The following FBXL17 variants were observed in gnomAD, a reference collection of about 807,000 sequenced individuals.
FBXL17 encodes the protein F-box/LRR-repeat protein 17.
A neutral mutation model predicts 66.2 loss-of-function variants in FBXL17; 22 were observed. That is an observed-to-expected ratio of 0.33 (90% CI 0.24 to 0.47). FBXL17 has a LOEUF of 0.47. Among genes scored for constraint, FBXL17 ranks in the 20% least tolerant of loss-of-function variants. The probability of loss-of-function intolerance (pLI) is 1.00; values close to 1 mark genes in which losing one functional copy is unlikely to be tolerated. For synonymous variants in FBXL17, 474 were observed against 400.5 expected, an observed-to-expected ratio of 1.18 and a Z score of -2.19; for missense variants, 878 against 948.2, an observed-to-expected ratio of 0.93 and a Z score of 0.97.
chr5:108,134,236 A>G (rs1225323377), intron 6 of FBXL17, among the ~76,000 whole-genome samples: 1 of 152,174 alleles, frequency 6.6e-6, no homozygotes, highest in Non-Finnish European at 1.5e-5. Flanking sequence ...CTTGTATTTC[A>G]TCTCAAAATT....
Position 108,381,353 on chromosome 5 carries a change from G to C in FBXL17, c.339C>G (p.Ala113=). Residue 113 remains alanine (A), a synonymous_variant, in exon 1 of 9, where the codon GCC becomes GCG. Transcript: ENST00000542267. Reference sequence around the variant, plus strand: ...ATAGCAGGAAGCGGCGGGCAGCAGCGGCGCAGTCCTCGGCGGCCAGGGCCG... The same window carrying C: ...ATAGCAGGAAGCGGCGGGCAGCAGCCGCGCAGTCCTCGGCGGCCAGGGCCG... ...RYAALAAEDC[A]AAARRFLLSS... 7.4e-7 allele frequency: 1 copy of C among 1,358,486 alleles called. No homozygotes were observed. Among genetic ancestry groups the C allele is most frequent in the Non-Finnish European group, 9.4e-7 (1 of 1,063,480 alleles). 84.2% of individuals were successfully genotyped at this position (1,358,486 alleles called of 1,614,324 possible). A position where few individuals can be genotyped will look rare whatever the true frequency, so the allele number is the denominator to read the frequency against.
intron 3 of FBXL17, among the ~76,000 whole-genome samples, chr5:108,358,006 C>T (rs372973371): frequency 6.6e-6 from 1 of 152,020 alleles, no homozygotes; most frequent in South Asian, 2.1e-4. Context: ...AGAAATACAA[C>T]TGATTTTTCT....
intron 8 of FBXL17, among the ~76,000 whole-genome samples, chr5:107,869,364 C>A (rs774270377): frequency 1.3e-5 from 2 of 152,142 alleles, no homozygotes; most frequent in African/African-American, 4.8e-5. Flanking sequence ...CATATTCAAA[C>A]GGACCTTAAT....
intron 6 of FBXL17, among the ~76,000 whole-genome samples, chr5:108,099,789 A>G (rs2149939347): frequency 6.6e-6 from 1 of 152,376 alleles, no homozygotes; most frequent in East Asian, 1.9e-4. Context: ...TTAATATGCC[A>G]GAATGGCATG....
chr5:107,880,709 C>A, intron 8 of FBXL17: 10 of 1,274,114 alleles, frequency 7.8e-6, no homozygotes, highest in Non-Finnish European at 3.0e-6. Context: ...TTAGACCCTG[C>A]AAATTGCAGT....
At chr5:108,041,286 A>G (rs1747036177) in intron 6 of FBXL17, among the ~76,000 whole-genome samples, 1 of 152,188 alleles carries the variant, frequency 6.6e-6, no homozygotes, top group Non-Finnish European at 1.5e-5. Flanking sequence ...ATGTTTAATC[A>G]ACCTTCACAA....
chr5:107,947,997 C>A (rs57146000), intron 7 of FBXL17, among the ~76,000 whole-genome samples: 1 of 152,116 alleles, frequency 6.6e-6, no homozygotes, highest in African/African-American at 2.4e-5. Context: ...GACTATAAAG[C>A]CTCAGAAACC....
At chr5:107,887,328 A>C (rs796353753) in intron 7 of FBXL17, among the ~76,000 whole-genome samples, 6 of 152,346 alleles carry the variant, frequency 3.9e-5, no homozygotes, top group African/African-American at 1.4e-4. Context: ...CGGATATATA[A>C]ATGTGAGAAC....
chr5:108,194,847 GGA>G (rs1205439614), intron 5 of FBXL17, among the ~76,000 whole-genome samples: 42 of 152,238 alleles, frequency 2.8e-4, no homozygotes, highest in African/African-American at 9.1e-4. Flanking sequence ...TAATTGTCTT[GGA>G]ACAGGGCGAG....
intron 6 of FBXL17, among the ~76,000 whole-genome samples, chr5:108,121,589 C>T (rs966492586): frequency 6.6e-6 from 1 of 151,220 alleles, no homozygotes; most frequent in African/African-American, 2.4e-5. Flanking sequence ...GACAGAGTCT[C>T]GCTCTCACCC....
chr5:108,380,862 T>A lies in FBXL17; in HGVS notation c.830A>T (p.Asp277Val). Reference protein sequence around the residue: ...SEGAPTEAGGDAVRAGGTAPL... With the variant: ...SEGAPTEAGGVAVRAGGTAPL... Reference sequence around the variant, plus strand: ...GGCGGTGCCCCCGGCTCGGACAGCGTCCCCGCCAGCTTCGGTGGGGGCACC... The same window carrying A: ...GGCGGTGCCCCCGGCTCGGACAGCGACCCCGCCAGCTTCGGTGGGGGCACC... Residue 277 changes from aspartate (D) to valine (V), a missense_variant, in exon 1 of 9, where the codon GAC becomes GTC. Coordinates refer to ENST00000542267, the MANE Select transcript of FBXL17 (RefSeq NM_001163315.3). 8.0e-7 allele frequency: 1 copy of A among 1,244,342 alleles called. No individual in the cohort carries two copies. Among genetic ancestry groups the A allele is most frequent in the Non-Finnish European group, 1.0e-6 (1 of 987,800 alleles). The allele number at this position is 1,244,342 out of a possible 1,614,324, so 77.1% of individuals were successfully genotyped here.
At chr5:107,892,959 G>C in intron 7 of FBXL17, among the ~76,000 whole-genome samples, 3 of 152,080 alleles carry the variant, frequency 2.0e-5, no homozygotes, top group Middle Eastern at 6.8e-3. Flanking sequence ...TTCTGTTTTC[G>C]ATATTCTCTA....
intron 1 of FBXL17, among the ~76,000 whole-genome samples, chr5:108,372,362 T>C (rs1749102196): frequency 1.3e-5 from 2 of 152,162 alleles, no homozygotes; most frequent in Non-Finnish European, 2.9e-5. Context: ...GAGGCCTAAA[T>C]ATTTGAAGAA....
intron 4 of FBXL17, among the ~76,000 whole-genome samples, chr5:108,274,447 ATCTC>A (rs1320653365): frequency 6.6e-6 from 1 of 152,306 alleles, no homozygotes; most frequent in East Asian, 1.9e-4. Context: ...GTTTAAGGTT[ATCTC>A]TCTTGTTTCC....
intron 6 of FBXL17, among the ~76,000 whole-genome samples, chr5:108,148,650 C>T (rs1751651977): frequency 6.6e-6 from 1 of 152,130 alleles, no homozygotes; most frequent in Non-Finnish European, 1.5e-5. Flanking sequence ...ACACAGGTGA[C>T]AAAATCTATG....
chr5:108,315,228 A>G (rs1440426945), intron 4 of FBXL17, among the ~76,000 whole-genome samples: 1 of 151,154 alleles, frequency 6.6e-6, no homozygotes, highest in African/African-American at 2.4e-5. Context: ...TTTAAAATCT[A>G]TTAGATCTAT....
chr5:108,139,252 A>G (rs1430126539), intron 6 of FBXL17, among the ~76,000 whole-genome samples: 1 of 152,226 alleles, frequency 6.6e-6, no homozygotes, highest in East Asian at 1.9e-4. Context: ...GATAGGAAAC[A>G]TTACATAGAA....
intron 7 of FBXL17, among the ~76,000 whole-genome samples, chr5:107,933,893 C>T (rs1234208645): frequency 6.6e-6 from 1 of 152,020 alleles, no homozygotes; most frequent in Non-Finnish European, 1.5e-5. Context: ...AACTCATATC[C>T]CCCATGATCA....
At chr5:108,201,905 TAA>T (rs948198977) in intron 5 of FBXL17, among the ~76,000 whole-genome samples, 1 of 148,590 alleles carries the variant, frequency 6.7e-6, no homozygotes, top group African/African-American at 2.5e-5. Flanking sequence ...CTTTCTTGGA[TAA>T]AGACTGACCT....
Sources: allele counts gnomAD v4.1 joint callset (sites outside exome capture counted in the v4.1 genomes callset), GRCh38; gene constraint gnomAD v4.1.1; transcripts MANE v1.5; gene names NCBI Gene and HGNC (gene_info 2026-07-23, HGNC 2026-07-21).